The following MMRN1 variants were observed in gnomAD, a reference collection of about 807,000 sequenced individuals.
MMRN1 encodes the protein multimerin-1.
Under a neutral mutation model 100.7 loss-of-function variants are expected in MMRN1, and 94 were observed. The observed-to-expected ratio is 0.93, with a 90% CI of 0.79 to 1.11. MMRN1 has a LOEUF of 1.11. Ranked by LOEUF, MMRN1 falls within the 50% of genes least tolerant of loss-of-function variation. The pLI is 0.00. For missense variants in MMRN1, 1,606 were observed against 1,439.1 expected (o/e 1.12, Z -1.88); for synonymous variants, 575 against 505.0 (o/e 1.14, Z -1.86).
chr4:89,945,395 A>G (rs1722957699), intron 6 of MMRN1, among the ~76,000 whole-genome samples: 1 of 152,174 alleles, frequency 6.6e-6, no homozygotes, highest in African/African-American at 2.4e-5. Context: ...TAAGATACAT[A>G]GTTTTAACTT....
rs532358610 is a variant in MMRN1 at position 89,915,511 on chromosome 4, T to G, written c.850+3461T>G. 4.0e-5 allele frequency among the ~76,000 whole-genome samples: 6 copies of G among 151,668 alleles called. 1 individual carries two copies. The South Asian group carries it at 1.2e-3, about 31-fold the overall frequency. On this transcript the variant is annotated intron_variant, in intron 3 of 7. Coordinates refer to ENST00000264790, the MANE Select transcript of MMRN1 (RefSeq NM_007351.3). ...GAGTGAGAGAGAGCAAACATCCTCA[T>G]TACTGAGTTGCCATTAATGACATCC... is the stretch of plus-strand genomic sequence containing the variant.
chr4:89,891,679 TC>T (rs1443626464), upstream of MMRN1, among the ~76,000 whole-genome samples: 1,165 of 152,188 alleles, frequency 7.7e-3, 18 homozygotes, highest in African/African-American at 0.026. Context: ...TGACAGGTTT[TC>T]AATATTTTTC....
At chr4:89,948,696 A>G (rs1478459206) in intron 6 of MMRN1, among the ~76,000 whole-genome samples, 1 of 152,210 alleles carries the variant, frequency 6.6e-6, no homozygotes, top group Non-Finnish European at 1.5e-5. Context: ...TCTGGGTGCC[A>G]TGGACATGAT....
At position 89,912,058 on chromosome 4, in the gene MMRN1, C is replaced by T. The variant is rs572962679; in HGVS notation, c.850+8C>T. Reference sequence around the variant, plus strand: ...CGAAATGTCAACTAAGAGGTACACTCTAATATTAATAATCACAATTCTGAA... The same window carrying T: ...CGAAATGTCAACTAAGAGGTACACTTTAATATTAATAATCACAATTCTGAA... On this transcript the variant is annotated splice_region_variant and intron_variant, in intron 3 of 7. Transcript: ENST00000264790. The T allele has an allele frequency of 6.6e-7, 1 of 1,518,188 alleles. No individual in the cohort carries two copies. The highest frequency in any genetic ancestry group is 1.2e-5 in the South Asian group (1 of 83,822). 94.0% of individuals were successfully genotyped at this position (1,518,188 alleles called of 1,614,324 possible). A position where few individuals can be genotyped will look rare whatever the true frequency, so the allele number is the denominator to read the frequency against.
chr4:89,913,401 T>A (rs1464031866), intron 3 of MMRN1, among the ~76,000 whole-genome samples: 2 of 151,354 alleles, frequency 1.3e-5, no homozygotes, highest in Non-Finnish European at 3.0e-5. Context: ...AAAAGTCTAC[T>A]AATGAAATGT....
At chr4:89,902,844 T>G (rs1276929686) in intron 1 of MMRN1, among the ~76,000 whole-genome samples, 1 of 152,042 alleles carries the variant, frequency 6.6e-6, no homozygotes, top group Non-Finnish European at 1.5e-5. Context: ...AATATCAATT[T>G]ATTTATATGA....
Position 89,935,354 on chromosome 4 carries a change from G to C in MMRN1, c.1674G>C (p.Leu558Phe). Residue 558 changes from leucine (L) to phenylalanine (F), a missense_variant, in exon 6 of 8, where the codon TTG becomes TTC. Transcript: ENST00000264790. ...ATGAAAATATAAAGAAGCAGAGTTT[G>C]ATGATGCTGCAAATGTTTGAAGATT... ...TLHENIKKQS[L>F]MMLQMFEDLH... 6.2e-7 allele frequency: 1 copy of C among 1,613,348 alleles called. No homozygotes were observed. Among genetic ancestry groups the C allele is most frequent in the South Asian group, 1.1e-5 (1 of 90,942 alleles).
chr4:89,894,532 A>G (rs1257927201), upstream of MMRN1, among the ~76,000 whole-genome samples: 3 of 152,194 alleles, frequency 2.0e-5, no homozygotes, highest in Admixed American at 1.3e-4. Context: ...GTCTTTATGT[A>G]GTAGAACAAA....
intron 6 of MMRN1, among the ~76,000 whole-genome samples, chr4:89,947,343 G>A (rs1478533887): frequency 3.3e-5 from 5 of 152,126 alleles, no homozygotes; most frequent in Non-Finnish European, 7.4e-5. Flanking sequence ...GACAATGATA[G>A]CATAGTGTCA....
intron 3 of MMRN1, among the ~76,000 whole-genome samples, chr4:89,919,746 C>T (rs1722030626): frequency 6.6e-6 from 1 of 151,926 alleles, no homozygotes; most frequent in African/African-American, 2.4e-5. Context: ...CTCAAGATAC[C>T]CGAAACAAAT....
At chr4:89,931,400 G>T (rs1722429998) in intron 5 of MMRN1, among the ~76,000 whole-genome samples, 2 of 152,212 alleles carry the variant, frequency 1.3e-5, no homozygotes, top group South Asian at 4.1e-4. Context: ...ATCCTAGGAT[G>T]ATCTTTCTTT....
In MMRN1 at chr4:89,925,302, A is replaced by ATTT. The variant is rs1176427401; in HGVS notation, c.955+2054_955+2056dup. On this transcript the variant is annotated intron_variant, in intron 4 of 7. Coordinates refer to ENST00000264790, the MANE Select transcript of MMRN1 (RefSeq NM_007351.3). ...AGGCACGTCCCACCATGCCTGGTTA[A>ATTT]TTTTTTTTTTTTTTTTTTTTTTTTT... Among the ~76,000 whole-genome samples the ATTT allele has an allele frequency of 9.4e-3, 954 of 101,964 alleles. 48 individuals are homozygous for ATTT. The highest frequency in any genetic ancestry group is 0.033 in the Middle Eastern group (5 of 152). 66.9% of individuals were successfully genotyped at this position (101,964 alleles called of 152,430 possible). A position where few individuals can be genotyped will look rare whatever the true frequency, so the allele number is the denominator to read the frequency against.
chr4:89,889,015 T>C (rs1427669758), intron 1 of MMRN1, among the ~76,000 whole-genome samples: 2 of 152,152 alleles, frequency 1.3e-5, no homozygotes, highest in African/African-American at 4.8e-5. Context: ...CTTAAAAGAA[T>C]AATAAAGGCT....
intron 6 of MMRN1, among the ~76,000 whole-genome samples, chr4:89,948,000 A>T (rs934975013): frequency 6.6e-6 from 1 of 151,900 alleles, no homozygotes; most frequent in Non-Finnish European, 1.5e-5. Flanking sequence ...TTACAGGCAC[A>T]CACCACCACA....
rs757333151 is a variant in MMRN1, at chr4:89,953,059, G to A, written c.3328G>A (p.Gly1110Arg). The change falls in exon 8 of 8, where the codon GGA becomes AGA. Residue 1110 changes from glycine to arginine, a missense_variant. Gly to Arg is a moderately radical substitution (Grantham distance 125). Coordinates refer to ENST00000264790, the MANE Select transcript of MMRN1 (RefSeq NM_007351.3). ...MVAFFASHTYGMTIPGPILFN... is the reference protein window; with the variant it reads ...MVAFFASHTYRMTIPGPILFN... ...GGCATTTTTTGCATCTCATACGTAT[G>A]GAATGACTATACCTGGTCCTATCCT... The A allele has an allele frequency of 1.2e-6, 2 of 1,613,666 alleles. No individual in the cohort carries two copies. The highest frequency in any genetic ancestry group is 2.2e-5 in the East Asian group (1 of 44,856).
chr4:89,909,713 TCC>T (rs1191061955), intron 2 of MMRN1, among the ~76,000 whole-genome samples: 1 of 148,804 alleles, frequency 6.7e-6, no homozygotes, highest in East Asian at 2.1e-4. Flanking sequence ...TGGTCAACAA[TCC>T]TGTCCTTAAT....
At chr4:89,893,318 A>AG (rs1185503736), upstream of MMRN1, among the ~76,000 whole-genome samples, 1 of 152,012 alleles carries the variant, frequency 6.6e-6, no homozygotes, top group Admixed American at 6.6e-5. Context: ...AATACTCTCT[A>AG]GTAGGTCAAC....
intron 3 of MMRN1, among the ~76,000 whole-genome samples, chr4:89,919,577 AT>A (rs1322391055): frequency 6.6e-6 from 1 of 151,646 alleles, no homozygotes; most frequent in Admixed American, 6.6e-5. Context: ...TATTGAATTT[AT>A]TTTTTATAAT....
intron 1 of MMRN1, among the ~76,000 whole-genome samples, chr4:89,896,740 G>C (rs915076425): frequency 6.6e-6 from 1 of 152,132 alleles, no homozygotes; most frequent in Non-Finnish European, 1.5e-5. Flanking sequence ...GAGAAGAAGA[G>C]AGACACTGGT....
Sources: gnomAD v4.1 joint callset for allele counts (sites outside exome capture counted in the v4.1 genomes callset) on GRCh38, gnomAD v4.1.1 for gene constraint, MANE v1.5 for transcripts, NCBI Gene and HGNC (gene_info 2026-07-23, HGNC 2026-07-21) for gene names.